TAF6: variants seen among roughly 807,000 people sequenced by gnomAD.
The protein encoded by TAF6 is TATA-box binding protein associated factor 6, also known as transcription initiation factor TFIID subunit 6.
In TAF6, 50 loss-of-function variants were observed where a neutral mutation model predicts 73.5. The observed-to-expected ratio is 0.68, with a 90% confidence interval of 0.54 to 0.86. The LOEUF (loss-of-function observed/expected upper bound fraction) is 0.86. Among genes scored for constraint, TAF6 ranks in the 40% least tolerant of loss-of-function variants. The pLI is 0.00. For missense variants in TAF6, 768 were observed against 899.5 expected (o/e 0.85, Z 1.87); for synonymous variants, 424 against 376.7 (o/e 1.13, Z -1.45).
At chr7:100,122,282 C>T (rs569562640), upstream of TAF6, 8 of 1,614,096 alleles carry the variant, frequency 5.0e-6, no homozygotes, top group Middle Eastern at 1.7e-4. Context: ...GAGCACAGAG[C>T]TACAGGCGGA....
chr7:100,125,686 G>C, the TAF6 span, among the ~76,000 whole-genome samples: 1 of 152,124 alleles, frequency 6.6e-6, no homozygotes, highest in Non-Finnish European at 1.5e-5. Context: ...TGGTGGTGCA[G>C]CGCCTGTAGT....
rs1225040600 is a variant in TAF6 at position 100,108,417 on chromosome 7, C to T, written c.1408G>A (p.Ala470Thr). 2 of 1,613,612 alleles carry T rather than the reference C, an allele frequency of 1.2e-6. No homozygotes were observed. The highest frequency in any genetic ancestry group is 1.7e-6 in the Non-Finnish European group (2 of 1,179,754). ...TTGACCTGCTGAGCCTGCAGAGCAG[C>T]CTGGGCCCGAGCCTTGACCACCTGG... is the stretch of plus-strand genomic sequence containing the variant. ...CSQVVKARAQAALQAQQVNRT... is the reference protein window; with the variant it reads ...CSQVVKARAQTALQAQQVNRT... Residue 470 changes from alanine to threonine, a missense_variant, in exon 13 of 15, where the codon GCT (alanine) becomes ACT (threonine). Physicochemically the swap from Ala to Thr is moderately conservative, Grantham distance 58 (BLOSUM62 0). Transcript: ENST00000453269.
intron 6 of TAF6, 112 bp from the exon 7 acceptor site, chr7:100,112,365 T>C: frequency 3.5e-6 from 5 of 1,431,372 alleles, no homozygotes; most frequent in African/African-American, 1.4e-5. Flanking sequence ...GGCTTCTTCT[T>C]AGGCTCCCCC....
At chr7:100,119,417 C>G, upstream of TAF6, 2 of 1,183,198 alleles carry the variant, frequency 1.7e-6, no homozygotes, top group Admixed American at 4.8e-5. Context: ...TTCCCCGTAC[C>G]AGAATAAGTC....
chr7:100,124,887 G>C, the TAF6 span: 1 of 1,585,748 alleles, frequency 6.3e-7, no homozygotes. Flanking sequence ...GAAGATCTTT[G>C]ACCCTTGCCT....
chr7:100,107,742 G>A, intron 14 of TAF6, 119 bp from the exon 15 acceptor site: 4 of 1,461,786 alleles, frequency 2.7e-6, no homozygotes, highest in East Asian at 2.4e-5. Flanking sequence ...TCACCCTGTA[G>A]ACAGCTATGG....
rs770382039 is a variant in TAF6 at position 100,111,862 on chromosome 7, G to A, written c.799-33C>T. 17 of 1,614,020 alleles carry A rather than the reference G, an allele frequency of 1.1e-5. No homozygotes were observed. The East Asian group carries it at 1.1e-4, about 11-fold the overall frequency. On this transcript the variant is annotated intron_variant, in intron 8 of 14. Coordinates refer to ENST00000453269, the MANE Select transcript of TAF6 (RefSeq NM_139315.3). ...AGGGAGAAGTGCTGGGCATGGGGCA[G>A]GGAGACCCTCACAGGAGCTTCCACT...
At chr7:100,122,420 C>T, upstream of TAF6, 1 of 1,614,128 alleles carries the variant, frequency 6.2e-7, no homozygotes, top group Non-Finnish European at 8.5e-7. Context: ...TTCCAACCCC[C>T]AACGGAGCCC....
upstream of TAF6, among the ~76,000 whole-genome samples, chr7:100,120,811 C>T (rs981372651): frequency 6.6e-6 from 1 of 152,106 alleles, no homozygotes; most frequent in African/African-American, 2.4e-5. Context: ...GTGGGAGGAT[C>T]ACTTGAGCCC....
upstream of TAF6, chr7:100,119,502 G>A: frequency 7.5e-7 from 1 of 1,338,242 alleles, no homozygotes; most frequent in South Asian, 1.6e-5. Context: ...CTCCCTCTTG[G>A]TGTAATTACT....
chr7:100,123,370 AAAAAG>A (rs1017702789), upstream of TAF6, among the ~76,000 whole-genome samples: 22 of 151,686 alleles, frequency 1.5e-4, 1 homozygote, highest in African/African-American at 5.3e-4. Context: ...AAAAACAAAA[AAAAAG>A]AAATCATAAT....
chr7:100,119,075 G>A, intron 1 of TAF6, 129 bp downstream of exon 1: 3 of 986,478 alleles, frequency 3.0e-6, no homozygotes, highest in Non-Finnish European at 3.6e-6. Flanking sequence ...CGAGATCCCA[G>A]CAGAGAAGCA....
chr7:100,110,169 C>A, intron 11 of TAF6, 31 bp downstream of exon 11: 1 of 1,614,110 alleles, frequency 6.2e-7, no homozygotes, highest in Non-Finnish European at 8.5e-7. Flanking sequence ...ACTGTGTCCC[C>A]TCCCCCATTT....
intron 1 of TAF6, among the ~76,000 whole-genome samples, chr7:100,116,892 TATTTAAC>T (rs1481594221): frequency 6.6e-6 from 1 of 152,130 alleles, no homozygotes; most frequent in Non-Finnish European, 1.5e-5. Flanking sequence ...CTGACCACCC[TATTTAAC>T]TCTGCACTCT....
rs375988147 is a variant in TAF6 at position 100,114,044 on chromosome 7, G to C, written c.156+10C>G. On this transcript the variant is annotated intron_variant, in intron 2 of 14. Transcript: ENST00000453269. ...ACCCAATGTAGAGCTGGACAGAAGG[G>C]CCGGGTCACCTGTGCGATCTCTTTG... The C allele has an allele frequency of 5.6e-6, 9 of 1,613,886 alleles. No homozygotes were observed. The African/African-American group carries it at 9.3e-5, about 17-fold the overall frequency.
the TAF6 span, chr7:100,124,854 G>A: frequency 6.2e-7 from 1 of 1,607,608 alleles, no homozygotes; most frequent in South Asian, 1.1e-5. Context: ...ACCAAGACAG[G>A]AAGCCACCCC....
intron 1 of TAF6, among the ~76,000 whole-genome samples, chr7:100,117,098 T>C (rs964061745): frequency 6.6e-6 from 1 of 151,716 alleles, no homozygotes; most frequent in African/African-American, 2.4e-5. Flanking sequence ...ATACAAAAAT[T>C]AGCTGGGCGT....
chr7:100,107,746 G>T, intron 14 of TAF6, 123 bp from the exon 15 acceptor site: 1 of 1,448,912 alleles, frequency 6.9e-7, no homozygotes, highest in Non-Finnish European at 9.2e-7. Flanking sequence ...CCTGTAGACA[G>T]CTATGGCTGG....
At chr7:100,113,809 G>T (rs776724547) in intron 3 of TAF6, 40 bp from the exon 4 acceptor site, 1 of 1,612,746 alleles carries the variant, frequency 6.2e-7, no homozygotes. Flanking sequence ...AAGGGAGCCG[G>T]AGGAGACCTG....
Sources: allele counts gnomAD v4.1 joint callset (sites outside exome capture counted in the v4.1 genomes callset), GRCh38; gene constraint gnomAD v4.1.1; transcripts MANE v1.5; gene names NCBI Gene and HGNC (gene_info 2026-07-23, HGNC 2026-07-21).